The following MAGI1 variants were observed in gnomAD, a reference collection of about 807,000 sequenced individuals.
MAGI1 encodes membrane associated guanylate kinase, WW and PDZ domain containing 1, also known as membrane-associated guanylate kinase, WW and PDZ domain-containing protein 1.
MAGI1 carries 58 observed loss-of-function variants against 139.9 expected under a neutral mutation model. The ratio of observed to expected loss-of-function variants is 0.41; its 90% confidence interval spans 0.34 to 0.52. The LOEUF (loss-of-function observed/expected upper bound fraction) is 0.52. Among genes scored for constraint, MAGI1 ranks in the 20% least tolerant of loss-of-function variants. The pLI, the probability that MAGI1 is intolerant of heterozygous loss-of-function variation, is 0.12. For synonymous variants in MAGI1, 812 were observed against 737.9 expected, an observed-to-expected ratio of 1.10 and a Z score of -1.63; for missense variants, 1,874 against 1,901.6, an observed-to-expected ratio of 0.99 and a Z score of 0.27.
At chr3:65,763,673 T>A (rs1577039543) in intron 1 of MAGI1, among the ~76,000 whole-genome samples, 1 of 151,970 alleles carries the variant, frequency 6.6e-6, no homozygotes, top group Non-Finnish European at 1.5e-5. Context: ...GCATAAGCAT[T>A]TCCCTACACT....
intron 1 of MAGI1, among the ~76,000 whole-genome samples, chr3:65,922,346 G>A (rs1448911246): frequency 6.6e-6 from 1 of 152,178 alleles, no homozygotes; most frequent in Non-Finnish European, 1.5e-5. Flanking sequence ...GATATAATCA[G>A]TTGAGGTCAT....
At chr3:65,841,247 T>G (rs1422305659) in intron 1 of MAGI1, among the ~76,000 whole-genome samples, 1 of 152,034 alleles carries the variant, frequency 6.6e-6, no homozygotes, top group East Asian at 1.9e-4. Context: ...TTTCACTGAT[T>G]TTCTCTATTG....
At chr3:65,501,631 G>A (rs949103794) in intron 2 of MAGI1, among the ~76,000 whole-genome samples, 1 of 152,004 alleles carries the variant, frequency 6.6e-6, no homozygotes, top group African/African-American at 2.4e-5. Flanking sequence ...ACAACCATTT[G>A]GGGAAAGAGT....
chr3:65,360,700 G>A, intron 22 of MAGI1: 2 of 992,274 alleles, frequency 2.0e-6, no homozygotes, highest in Non-Finnish European at 2.4e-6. Flanking sequence ...ATGGAGAAGT[G>A]TTGTATACAG....
intron 1 of MAGI1, among the ~76,000 whole-genome samples, chr3:65,758,191 C>T (rs1161714017): frequency 2.0e-5 from 3 of 152,022 alleles, no homozygotes; most frequent in African/African-American, 7.2e-5. Flanking sequence ...AAAAGACCCC[C>T]TAGAATGGAG....
At chr3:65,472,533 A>C (rs1950614047) in intron 4 of MAGI1, among the ~76,000 whole-genome samples, 1 of 152,212 alleles carries the variant, frequency 6.6e-6, no homozygotes, top group Non-Finnish European at 1.5e-5. Context: ...AAAAAGTTCT[A>C]ATTTCAGTTG....
chr3:65,511,375 T>A (rs961143178), intron 2 of MAGI1, among the ~76,000 whole-genome samples: 1 of 144,874 alleles, frequency 6.9e-6, no homozygotes, highest in African/African-American at 2.6e-5. Flanking sequence ...GGATAAAGAG[T>A]CAAGACCCAT....
At chr3:65,433,526 C>T (rs989349633) in intron 10 of MAGI1, among the ~76,000 whole-genome samples, 7 of 152,122 alleles carry the variant, frequency 4.6e-5, no homozygotes, top group Middle Eastern at 3.4e-3. Flanking sequence ...TGGAAAGAAA[C>T]GCTTTTCACC....
chr3:65,680,305 T>A (rs1417935549), intron 1 of MAGI1, among the ~76,000 whole-genome samples: 1 of 152,216 alleles, frequency 6.6e-6, no homozygotes, highest in Non-Finnish European at 1.5e-5. Flanking sequence ...GGTCATTCAT[T>A]TCTTCCTTTT....
chr3:65,844,872 G>A (rs2058932143), intron 1 of MAGI1, among the ~76,000 whole-genome samples: 1 of 152,148 alleles, frequency 6.6e-6, no homozygotes, highest in African/African-American at 2.4e-5. Context: ...CACTCTTAAA[G>A]TTTAGGAAGA....
chr3:65,801,937 A>G (rs1370287764), intron 1 of MAGI1, among the ~76,000 whole-genome samples: 2 of 152,066 alleles, frequency 1.3e-5, no homozygotes, highest in Non-Finnish European at 2.9e-5. Flanking sequence ...ATATCAGCAG[A>G]GGCATTCAAT....
intron 1 of MAGI1, among the ~76,000 whole-genome samples, chr3:65,699,984 GT>G (rs1426735047): frequency 5.9e-5 from 9 of 151,624 alleles, no homozygotes; most frequent in Non-Finnish European, 1.3e-4. Context: ...CCAGAAATCT[GT>G]ACTTTCACAA....
rs781388693 is a variant in MAGI1, at chr3:65,442,362, T to C, written c.1136+430A>G. 6.6e-4 allele frequency among the ~76,000 whole-genome samples: 100 copies of C among 152,166 alleles called. 1 individual carries two copies. Among genetic ancestry groups the C allele is most frequent in the Non-Finnish European group, 1.0e-3 (68 of 68,032 alleles). ...GGCTGAACCTTTTGAAATGTATGAA[T>C]GAATAAAGAAGTAATTGCTAAGGAG... On this transcript the variant is annotated intron_variant, in intron 8 of 22. Coordinates refer to ENST00000402939, the MANE Select transcript of MAGI1 (RefSeq NM_001033057.2).
intron 18 of MAGI1, among the ~76,000 whole-genome samples, chr3:65,365,729 C>A (rs1180211219): frequency 6.6e-6 from 1 of 152,072 alleles, no homozygotes; most frequent in African/African-American, 2.4e-5. Flanking sequence ...CTGTGCATGC[C>A]CATTTAATTC....
chr3:65,868,972 T>C (rs1314402177), intron 1 of MAGI1, among the ~76,000 whole-genome samples: 6 of 152,064 alleles, frequency 3.9e-5, no homozygotes, highest in African/African-American at 1.4e-4. Context: ...ACTTCTAACA[T>C]ACCTCATAAT....
Position 65,748,416 on chromosome 3 carries a change from C to T in MAGI1, c.314-126328G>A, listed in dbSNP as rs916225200. Among the ~76,000 whole-genome samples, 5 of 152,188 alleles carry T rather than the reference C, an allele frequency of 3.3e-5. No homozygotes were observed. In the East Asian group the frequency reaches 9.7e-4, roughly 29 times the overall value. On this transcript the variant is annotated intron_variant, in intron 1 of 22. Transcript: ENST00000402939. Reference sequence around the variant, plus strand: ...TGCAAAGCCCAGGGTAGGATATGGGCCTTTAGATGTTCTGGCTCTGCTCTA... The same window carrying T: ...TGCAAAGCCCAGGGTAGGATATGGGTCTTTAGATGTTCTGGCTCTGCTCTA...
intron 12 of MAGI1, 30 bp downstream of exon 12, chr3:65,429,490 A>C (rs753330436): frequency 2.0e-5 from 31 of 1,547,922 alleles, no homozygotes; most frequent in Non-Finnish European, 2.6e-5. Context: ...GATAAAAAAA[A>C]AATTCAAAGA....
At chr3:65,381,766 A>AT in intron 16 of MAGI1, 111 bp downstream of exon 16, 1 of 1,006,690 alleles carries the variant, frequency 9.9e-7, no homozygotes, top group South Asian at 1.8e-5. Flanking sequence ...GCTTGATCAC[A>AT]TTTGCAAACA....
At chr3:65,804,075 A>T (rs538366793) in intron 1 of MAGI1, among the ~76,000 whole-genome samples, 1 of 152,318 alleles carries the variant, frequency 6.6e-6, no homozygotes, top group East Asian at 1.9e-4. Flanking sequence ...AAACTCTAAG[A>T]ACATTCAAGT....
Sources: allele counts gnomAD v4.1 joint callset (sites outside exome capture counted in the v4.1 genomes callset), GRCh38; gene constraint gnomAD v4.1.1; transcripts MANE v1.5; gene names NCBI Gene and HGNC (gene_info 2026-07-23, HGNC 2026-07-21).